The following AFAP1 variants were observed in gnomAD, a reference collection of about 807,000 sequenced individuals.
The protein encoded by AFAP1 is actin filament associated protein 1.
A neutral mutation model predicts 93.9 loss-of-function variants in AFAP1; 75 were observed. The ratio of observed to expected loss-of-function variants is 0.80; its 90% confidence interval spans 0.66 to 0.97. The LOEUF (loss-of-function observed/expected upper bound fraction) is 0.97, where lower values mean the gene tolerates loss of function less well. Among genes scored for constraint, AFAP1 ranks in the 50% least tolerant of loss-of-function variants. The probability of loss-of-function intolerance (pLI) is 0.00; values close to 1 mark genes in which losing one functional copy is unlikely to be tolerated. For synonymous variants in AFAP1, 517 were observed against 430.7 expected (o/e 1.20, Z -2.48); for missense variants, 1,201 against 1,050.8 (o/e 1.14, Z -1.98).
intron 11 of AFAP1, among the ~76,000 whole-genome samples, chr4:7,787,839 G>A (rs1035056025): frequency 2.0e-5 from 3 of 152,132 alleles, no homozygotes; most frequent in Non-Finnish European, 4.4e-5. Context: ...GGCTTCCTGC[G>A]CTCGGTCAGT....
chr4:7,881,222 C>G (rs35238070), intron 1 of AFAP1, among the ~76,000 whole-genome samples: 17,513 of 152,030 alleles, frequency 0.12, 1,168 homozygotes, highest in Non-Finnish European at 0.16. Context: ...GCTCCCCTGT[C>G]TAGTCTACAC....
chr4:7,865,694 T>C (rs34119140), intron 3 of AFAP1, among the ~76,000 whole-genome samples: 16,665 of 152,188 alleles, frequency 0.11, 1,128 homozygotes, highest in Non-Finnish European at 0.16. Context: ...TGGTAGAAAA[T>C]GCTGACTAGT....
At chr4:7,764,818 G>A (rs1714326915) in intron 17 of AFAP1, among the ~76,000 whole-genome samples, 1 of 152,146 alleles carries the variant, frequency 6.6e-6, no homozygotes, top group Admixed American at 6.5e-5. Flanking sequence ...TAAGTGAAGA[G>A]ACAGGTAGGT....
intron 6 of AFAP1, among the ~76,000 whole-genome samples, chr4:7,828,204 G>A (rs1721603818): frequency 6.6e-6 from 1 of 152,042 alleles, no homozygotes; most frequent in Non-Finnish European, 1.5e-5. Context: ...GTTCACCTAG[G>A]GCTGCTTGAA....
chr4:7,772,530 G>A (rs935203425), intron 16 of AFAP1: 2 of 318,054 alleles, frequency 6.3e-6, no homozygotes, highest in Non-Finnish European at 1.2e-5. Flanking sequence ...TGGTTCAGAA[G>A]AGACACGAGG....
chr4:7,782,017 G>A (rs780575315), intron 12 of AFAP1, among the ~76,000 whole-genome samples: 1 of 152,206 alleles, frequency 6.6e-6, no homozygotes, highest in African/African-American at 2.4e-5. Flanking sequence ...AGTTCTCCTA[G>A]CGCAGGGCGT....
intron 1 of AFAP1, among the ~76,000 whole-genome samples, chr4:7,925,770 G>A (rs1477395428): frequency 6.6e-6 from 1 of 152,040 alleles, no homozygotes; most frequent in African/African-American, 2.4e-5. Flanking sequence ...GCTTGAACCT[G>A]GGAAGCAGAG....
chr4:7,874,566 G>C (rs1203794027), intron 1 of AFAP1, among the ~76,000 whole-genome samples: 48 of 32,204 alleles, frequency 1.5e-3, no homozygotes, highest in Non-Finnish European at 2.5e-3. Context: ...TTTTTTTTTA[G>C]TAGAAACAGG....
intron 6 of AFAP1, among the ~76,000 whole-genome samples, chr4:7,829,160 G>A (rs1291991670): frequency 6.6e-6 from 1 of 152,220 alleles, no homozygotes; most frequent in Non-Finnish European, 1.5e-5. Flanking sequence ...GTGGAACTGT[G>A]AGTCAATGTA....
chr4:7,888,118 C>G (rs1246156884), intron 1 of AFAP1, among the ~76,000 whole-genome samples: 2 of 152,236 alleles, frequency 1.3e-5, no homozygotes, highest in East Asian at 1.9e-4. Flanking sequence ...TGAGCCACCA[C>G]GCCCAGCCCC....
chr4:7,815,971 GT>G (rs35907552), intron 8 of AFAP1, 46 bp downstream of exon 8: 274,753 of 1,241,274 alleles, frequency 0.22, 12,817 homozygotes, highest in Non-Finnish European at 0.24. Flanking sequence ...TTTTGTTTTT[GT>G]TTTTTTTTTT....
intron 1 of AFAP1, among the ~76,000 whole-genome samples, chr4:7,932,818 T>G (rs2385913): frequency 0.9 from 136,974 of 152,040 alleles, 61,901 homozygotes; most frequent in African/African-American, 0.97. Flanking sequence ...TCAGGAGTTT[T>G]TGACCAGCCT....
rs879569873 is a variant in AFAP1, at chr4:7,787,635, C to A, written c.1413-1324G>T. Among the ~76,000 whole-genome samples the A allele has an allele frequency of 3.3e-4, 50 of 152,168 alleles. 1 individual carries two copies. The highest frequency in any genetic ancestry group is 8.8e-5 in the Non-Finnish European group (6 of 68,022). On this transcript the variant is annotated intron_variant, in intron 11 of 17. Coordinates refer to ENST00000420658, the MANE Select transcript of AFAP1 (RefSeq NM_001134647.2). ...AATTGCTGGGCATGGGAAAGACCTG[C>A]CCGTTTAGTGGCCAGAGGTGAGGCC...
chr4:7,767,313 C>A (rs951355925), intron 17 of AFAP1, among the ~76,000 whole-genome samples: 1 of 152,160 alleles, frequency 6.6e-6, no homozygotes, highest in South Asian at 2.1e-4. Context: ...CTCTGTATGA[C>A]GGAAGCACAC....
intron 6 of AFAP1, among the ~76,000 whole-genome samples, chr4:7,822,917 G>C (rs995289128): frequency 2.0e-5 from 3 of 151,104 alleles, no homozygotes; most frequent in Non-Finnish European, 4.4e-5. Flanking sequence ...TTTTTCAACA[G>C]GGGAACTTCT....
intron 1 of AFAP1, among the ~76,000 whole-genome samples, chr4:7,876,763 C>T (rs116202934): frequency 2.9e-4 from 44 of 152,306 alleles, no homozygotes; most frequent in African/African-American, 9.6e-4. Flanking sequence ...TTAAGCTAAT[C>T]TGTGTGGTTT....
intron 6 of AFAP1, among the ~76,000 whole-genome samples, chr4:7,824,768 G>T (rs961995103): frequency 6.6e-6 from 1 of 152,146 alleles, no homozygotes; most frequent in African/African-American, 2.4e-5. Flanking sequence ...GGGAGGAAGG[G>T]GGATGGCGAG....
chr4:7,793,032 C>T (rs929885228), intron 11 of AFAP1, among the ~76,000 whole-genome samples: 1 of 152,104 alleles, frequency 6.6e-6, no homozygotes. Context: ...CGCAGACTGC[C>T]AGAAAGGGTC....
rs765980223 is a variant in AFAP1, at chr4:7,774,918, A to T, written c.1898-15T>A. On this transcript the variant is annotated splice_polypyrimidine_tract_variant and intron_variant, in intron 14 of 17. Coordinates refer to ENST00000420658, the MANE Select transcript of AFAP1 (RefSeq NM_001134647.2). ...CTGGGCAGCATCTTGAGAAGAAAAA[A>T]AAGCAGCAATTAAAAATTAGGTTTA... is the stretch of plus-strand genomic sequence containing the variant. The T allele has an allele frequency of 1.9e-6, 3 of 1,597,064 alleles. No homozygotes were observed. Among genetic ancestry groups the T allele is most frequent in the Non-Finnish European group, 1.7e-6 (2 of 1,174,906 alleles).
Sources: gnomAD v4.1 joint callset for allele counts (sites outside exome capture counted in the v4.1 genomes callset) on GRCh38, gnomAD v4.1.1 for gene constraint, MANE v1.5 for transcripts, NCBI Gene and HGNC (gene_info 2026-07-23, HGNC 2026-07-21) for gene names.